PHF8: variants seen among roughly 807,000 people sequenced by gnomAD.
PHF8 encodes the protein histone lysine demethylase PHF8.
A neutral mutation model predicts 74.4 loss-of-function variants in PHF8; 9 were observed. The ratio of observed to expected loss-of-function variants is 0.12; its 90% CI spans 0.07 to 0.21. The LOEUF (loss-of-function observed/expected upper bound fraction) is 0.21, where lower values mean the gene tolerates loss of function less well. Among genes scored for constraint, PHF8 ranks in the 10% least tolerant of loss-of-function variants. PHF8 has a pLI of 1.00. For missense variants in PHF8, 478 were observed against 816.6 expected (o/e 0.59, Z 5.05); for synonymous variants, 311 against 316.6 (o/e 0.98, Z 0.19).
At chrX:54,032,262 C>A (rs1039892698) in intron 2 of PHF8, among the ~76,000 whole-genome samples, 6 of 111,236 alleles carry the variant, frequency 5.4e-5, no homozygotes, top group Non-Finnish European at 1.9e-5. Flanking sequence ...GGGGTGGGAT[C>A]CAAGAATTGG....
intron 8 of PHF8, among the ~76,000 whole-genome samples, chrX:54,010,117 C>T (rs1557106408): frequency 4.6e-5 from 5 of 109,186 alleles, no homozygotes; most frequent in African/African-American, 1.0e-4. Context: ...GTCAGAAGTT[C>T]GAGACCAGCC....
Position 53,979,317 on chromosome X carries a change from G to A in PHF8, c.2443+5597C>T, listed in dbSNP as rs1489685362. On this transcript the variant is annotated intron_variant, in intron 18 of 21. Coordinates refer to ENST00000338154, the MANE Select transcript of PHF8 (RefSeq NM_015107.3). The stretch of plus-strand genomic sequence containing the variant: ...GAATCGCTTGAACCGGGGAGGCGGA[G>A]GTTGCAGTGAGCCGAGATTGCACCA... 2.7e-5 allele frequency among the ~76,000 whole-genome samples: 3 copies of A among 111,259 alleles called. No individual in the cohort carries two copies. The Admixed American group carries it at 2.9e-4, about 11-fold the overall frequency.
intron 12 of PHF8, among the ~76,000 whole-genome samples, chrX:53,994,420 T>C (rs1213251435): frequency 8.9e-6 from 1 of 112,477 alleles, no homozygotes; most frequent in African/African-American, 3.2e-5. Context: ...CGGGGGAAGG[T>C]AGAAGGCGAA....
chrX:53,985,112 C>A lies in PHF8; in HGVS notation c.2245G>T (p.Gly749Trp). The change falls in exon 18 of 22, where the codon GGG (glycine) becomes TGG (tryptophan). Residue 749 changes from glycine (G) to tryptophan (W), a missense_variant. This residue lies in a region of PHF8 where 51 missense variants were observed against 45.8 expected (regional missense o/e 1.11). Coordinates refer to ENST00000338154, the MANE Select transcript of PHF8 (RefSeq NM_015107.3). ...ATSSLQAWWT[G>W]GQDRSSGSSS... ...CTCCCACTGCTTCGATCCTGTCCCCCAGTCCACCAGGCCTGCAGGCTAGAG... is the reference window on the plus strand; with the variant it reads ...CTCCCACTGCTTCGATCCTGTCCCCAAGTCCACCAGGCCTGCAGGCTAGAG... 1 of 1,210,129 alleles carries A rather than the reference C, an allele frequency of 8.3e-7. No individual in the cohort carries two copies. Among genetic ancestry groups the A allele is most frequent in the Non-Finnish European group, 1.1e-6 (1 of 894,420 alleles).
At chrX:54,018,578 G>A in intron 4 of PHF8, among the ~76,000 whole-genome samples, 1 of 108,651 alleles carries the variant, frequency 9.2e-6, no homozygotes, top group Middle Eastern at 4.7e-3. Context: ...CTGACAACTT[G>A]TGTTGGGACA....
At chrX:53,954,101 G>A (rs1314328636) in intron 19 of PHF8, among the ~76,000 whole-genome samples, 1 of 111,814 alleles carries the variant, frequency 8.9e-6, no homozygotes, top group African/African-American at 3.2e-5. Context: ...CAAAATAGAT[G>A]AAGTGAAAAC....
chrX:53,939,312 C>T, intron 21 of PHF8, 66 bp from the exon 22 acceptor site: 1 of 915,101 alleles, frequency 1.1e-6, no homozygotes, highest in South Asian at 2.1e-5. Context: ...CTGGCACCAA[C>T]TGCCCTCAGG....
chrX:53,961,265 C>T (rs1162487193), intron 19 of PHF8, among the ~76,000 whole-genome samples: 3 of 109,851 alleles, frequency 2.7e-5, no homozygotes, highest in African/African-American at 6.6e-5. Flanking sequence ...TCAAGTGATC[C>T]ACCCGCCTCA....
chrX:53,939,599 G>C (rs1243722257), intron 21 of PHF8, among the ~76,000 whole-genome samples: 2 of 111,258 alleles, frequency 1.8e-5, no homozygotes, highest in African/African-American at 6.5e-5. Context: ...ACAAGTGCCT[G>C]GTTAGTGATT....
chrX:54,017,739 G>A lies in PHF8; in HGVS notation c.376C>T (p.Leu126=), dbSNP rs1557108675. Residue 126 remains leucine (L), a synonymous_variant, in exon 5 of 22, where the codon CTG becomes TTG. Coordinates refer to ENST00000338154, the MANE Select transcript of PHF8 (RefSeq NM_015107.3). ...CCCAACCCATCCTTCTTCAGGACCA[G>A]GATGGGCACACTGAAGCTATTTTCT... ...LEENSFSVPI[L]VLKKDGLGMT... 2 of 1,206,789 alleles carry A rather than the reference G, an allele frequency of 1.7e-6. No individual in the cohort carries two copies. The highest frequency in any genetic ancestry group is 1.1e-6 in the Non-Finnish European group (1 of 890,979).
intron 18 of PHF8, among the ~76,000 whole-genome samples, chrX:53,967,794 C>A (rs1337753210): frequency 5.3e-4 from 57 of 108,497 alleles, no homozygotes; most frequent in African/African-American, 1.7e-3. Flanking sequence ...GCCTTGGGAT[C>A]CTGTTGATCT....
intron 8 of PHF8, among the ~76,000 whole-genome samples, chrX:54,006,867 G>C (rs886992359): frequency 9.3e-6 from 1 of 107,652 alleles, no homozygotes; most frequent in Non-Finnish European, 1.9e-5. Context: ...GAACCCAGGA[G>C]GCTGAGGTTG....
chrX:54,014,452 G>A lies in PHF8; in HGVS notation c.708C>T (p.Leu236=), dbSNP rs2066029833. 4 of 1,204,187 alleles carry A rather than the reference G, an allele frequency of 3.3e-6. No homozygotes were observed. The East Asian group carries it at 8.9e-5, about 27-fold the overall frequency. The change falls in exon 7 of 22, where the codon CTC becomes CTT. Residue 236 remains leucine, a synonymous_variant. Transcript: ENST00000338154. ...CTGTATAGCTATCTCGCACACTCAT[G>A]AGGCAGTACTTCTGTACATTGGGTC... ...FERPNVQKYC[L]MSVRDSYTDF...
chrX:54,036,986 T>TCC (rs1557114458), intron 2 of PHF8, among the ~76,000 whole-genome samples: 2 of 99,053 alleles, frequency 2.0e-5, no homozygotes, highest in Non-Finnish European at 4.0e-5. Context: ...GGCAACAGGC[T>TCC]GTTTCAGAAA....
intron 2 of PHF8, among the ~76,000 whole-genome samples, chrX:54,040,642 T>C (rs1018774319): frequency 4.5e-5 from 5 of 111,725 alleles, no homozygotes; most frequent in Non-Finnish European, 9.4e-5. Flanking sequence ...GTATAAAATT[T>C]TCCCAGAACT....
At chrX:54,036,600 A>AAT (rs1569529935) in intron 2 of PHF8, among the ~76,000 whole-genome samples, 1 of 86,809 alleles carries the variant, frequency 1.2e-5, no homozygotes, top group Non-Finnish European at 2.2e-5. Flanking sequence ...AAAAAAAAAA[A>AAT]CTTTTTTTTT....
chrX:53,969,894 T>C (rs1280493568), intron 18 of PHF8, among the ~76,000 whole-genome samples: 2 of 111,932 alleles, frequency 1.8e-5, no homozygotes, highest in Admixed American at 9.5e-5. Context: ...CTTTAATAAA[T>C]GGTGTCAGGA....
At chrX:53,981,875 C>G (rs1232969547) in intron 18 of PHF8, among the ~76,000 whole-genome samples, 1 of 111,847 alleles carries the variant, frequency 8.9e-6, no homozygotes, top group South Asian at 3.7e-4. Flanking sequence ...CCAGTATAGC[C>G]GAAATGCCTC....
At chrX:54,001,464 G>A (rs868921031) in intron 10 of PHF8, among the ~76,000 whole-genome samples, 2 of 109,229 alleles carry the variant, frequency 1.8e-5, no homozygotes, top group Non-Finnish European at 1.9e-5. Context: ...CCAAGATCAC[G>A]CCACTGCACT....
Sources: gnomAD v4.1 joint callset for allele counts (sites outside exome capture counted in the v4.1 genomes callset) on GRCh38, gnomAD v4.1.1 for gene constraint, gnomAD v4.1.1 regional missense constraint, MANE v1.5 for transcripts, NCBI Gene and HGNC (gene_info 2026-07-23, HGNC 2026-07-21) for gene names.